Variants in RARB observed in about 807,000 individuals in gnomAD.
The protein encoded by RARB is HBV-activated protein.
A neutral mutation model predicts 51.9 loss-of-function variants in RARB; 17 were observed. The observed-to-expected ratio is 0.33, with a 90% CI of 0.22 to 0.49. RARB has a LOEUF of 0.49. Ranked by LOEUF, RARB falls within the 20% of genes least tolerant of loss-of-function variation. RARB has a pLI of 0.99. For synonymous variants in RARB, 215 were observed against 195.4 expected (o/e 1.10, Z -0.84); for missense variants, 369 against 550.8 (o/e 0.67, Z 3.30).
chr3:24,980,552 G>A (rs780609272), intron 2 of RARB, among the ~76,000 whole-genome samples: 2 of 151,956 alleles, frequency 1.3e-5, no homozygotes, highest in African/African-American at 2.4e-5. Flanking sequence ...CCACTTGATC[G>A]AATCGGCTTG....
intron 2 of RARB, among the ~76,000 whole-genome samples, chr3:24,935,180 G>T (rs144930221): frequency 6.6e-6 from 1 of 152,170 alleles, no homozygotes; most frequent in African/African-American, 2.4e-5. Context: ...TTCATATTCT[G>T]TTGCAGGTTT....
At chr3:25,165,941 T>C (rs781013777) in intron 4 of RARB, among the ~76,000 whole-genome samples, 45 of 152,202 alleles carry the variant, frequency 3.0e-4, no homozygotes, top group Non-Finnish European at 5.3e-4. Context: ...TACATATTTC[T>C]TTTTAAAATG....
intron 5 of RARB, among the ~76,000 whole-genome samples, chr3:25,323,480 A>C (rs1255844776): frequency 6.6e-6 from 1 of 152,260 alleles, no homozygotes; most frequent in Non-Finnish European, 1.5e-5. Context: ...TGTACACTAT[A>C]ATAGTAGTCT....
intron 4 of RARB, among the ~76,000 whole-genome samples, chr3:25,153,166 G>A (rs915831631): frequency 2.8e-5 from 4 of 145,108 alleles, no homozygotes; most frequent in East Asian, 2.1e-4. Context: ...GTGTGCATGC[G>A]TGCGTGCATG....
intron 2 of RARB, among the ~76,000 whole-genome samples, chr3:24,942,134 C>T (rs189708886): frequency 1.4e-4 from 21 of 152,162 alleles, no homozygotes; most frequent in Non-Finnish European, 2.4e-4. Context: ...AAGGTCACAC[C>T]GCTATTATGC....
intron 5 of RARB, among the ~76,000 whole-genome samples, chr3:25,418,195 C>G (rs1037983526): frequency 1.3e-5 from 2 of 152,104 alleles, no homozygotes; most frequent in African/African-American, 4.8e-5. Context: ...CAGCTAGAAA[C>G]CTATTGTAGG....
intron 5 of RARB, among the ~76,000 whole-genome samples, chr3:25,227,637 T>A: frequency 6.6e-6 from 1 of 152,172 alleles, no homozygotes; most frequent in Admixed American, 6.6e-5. Context: ...AACTATATTA[T>A]GTTTGCTGTA....
At chr3:24,939,103 C>T (rs1695605224) in intron 2 of RARB, among the ~76,000 whole-genome samples, 1 of 152,054 alleles carries the variant, frequency 6.6e-6, no homozygotes, top group East Asian at 1.9e-4. Flanking sequence ...CTGCCTCAGG[C>T]TCCTGAGTAG....
chr3:24,892,468 A>G (rs1005771593), intron 2 of RARB, among the ~76,000 whole-genome samples: 1 of 152,164 alleles, frequency 6.6e-6, no homozygotes, highest in East Asian at 1.9e-4. Flanking sequence ...CAAAATAAAT[A>G]TGTTCCTTGC....
chr3:24,911,708 T>C (rs921746751), intron 2 of RARB, among the ~76,000 whole-genome samples: 8 of 152,182 alleles, frequency 5.3e-5, no homozygotes, highest in African/African-American at 1.4e-4. Flanking sequence ...ATCCTAGCAC[T>C]TTGGGAGGCC....
At chr3:24,893,684 A>ATT (rs35567273) in intron 2 of RARB, among the ~76,000 whole-genome samples, 1 of 144,818 alleles carries the variant, frequency 6.9e-6, no homozygotes. Context: ...TGCCTCACTG[A>ATT]TTTTTTTTTT....
chr3:25,421,995 C>T (rs752177583), intron 5 of RARB, among the ~76,000 whole-genome samples: 11 of 152,270 alleles, frequency 7.2e-5, no homozygotes, highest in Middle Eastern at 3.4e-3. Context: ...TCTATGTCTG[C>T]ACTGTCCTAT....
At chr3:25,538,979 T>G (rs1364206442) in intron 3 of RARB, among the ~76,000 whole-genome samples, 1 of 152,212 alleles carries the variant, frequency 6.6e-6, no homozygotes, top group Non-Finnish European at 1.5e-5. Flanking sequence ...GAAGCAAGCT[T>G]AATTACAAAT....
intron 4 of RARB, among the ~76,000 whole-genome samples, chr3:25,570,419 T>G (rs1700664030): frequency 6.6e-6 from 1 of 152,190 alleles, no homozygotes; most frequent in Non-Finnish European, 1.5e-5. Flanking sequence ...GGCCAAGGTT[T>G]GCCTTCTGTG....
chr3:25,004,457 G>A (rs1365368720), intron 2 of RARB, among the ~76,000 whole-genome samples: 2 of 152,100 alleles, frequency 1.3e-5, no homozygotes, highest in African/African-American at 4.8e-5. Flanking sequence ...ATCACATGGT[G>A]GAAGGGCAGA....
At chr3:25,009,964 T>C (rs1575117225) in intron 2 of RARB, among the ~76,000 whole-genome samples, 2 of 152,114 alleles carry the variant, frequency 1.3e-5, no homozygotes, top group African/African-American at 4.8e-5. Flanking sequence ...TCTTATTTTA[T>C]AAAAGCCAGC....
intron 3 of RARB, among the ~76,000 whole-genome samples, chr3:25,117,832 C>CA (rs1389276031): frequency 6.6e-6 from 1 of 151,900 alleles, no homozygotes; most frequent in African/African-American, 2.4e-5. Context: ...CTTCCTTGTC[C>CA]AAAAAATCTT....
intron 5 of RARB, among the ~76,000 whole-genome samples, chr3:25,268,434 A>G (rs1248338854): frequency 2.0e-5 from 3 of 151,422 alleles, no homozygotes; most frequent in African/African-American, 7.3e-5. Flanking sequence ...ACAAAAGTGG[A>G]TCTGTGTTTT....
intron 1 of RARB, among the ~76,000 whole-genome samples, chr3:24,839,556 A>G (rs1220632800): frequency 6.6e-6 from 1 of 150,802 alleles, no homozygotes; most frequent in Non-Finnish European, 1.5e-5. Flanking sequence ...AAAAATACAG[A>G]AGTTAGCTGG....
Sources: allele counts gnomAD v4.1 joint callset (sites outside exome capture counted in the v4.1 genomes callset), GRCh38; gene constraint gnomAD v4.1.1; transcripts MANE v1.5; gene names NCBI Gene and HGNC (gene_info 2026-07-23, HGNC 2026-07-21).